C18orf63: variants seen among roughly 807,000 people sequenced by gnomAD.
C18orf63 encodes uncharacterized protein C18orf63.
Under a neutral mutation model 75.3 loss-of-function variants are expected in C18orf63, and 50 were observed. The ratio of observed to expected loss-of-function variants is 0.66; its 90% CI spans 0.53 to 0.84. The LOEUF (loss-of-function observed/expected upper bound fraction) is 0.84, where lower values mean the gene tolerates loss of function less well. Among genes scored for constraint, C18orf63 ranks in the 40% least tolerant of loss-of-function variants. The pLI is 0.00. For synonymous variants in C18orf63, 232 were observed against 267.6 expected, an observed-to-expected ratio of 0.87 and a Z score of 1.30; for missense variants, 732 against 800.2, an observed-to-expected ratio of 0.91 and a Z score of 1.03.
intron 8 of C18orf63, among the ~76,000 whole-genome samples, chr18:74,341,348 G>T (rs1984482551): frequency 7.3e-6 from 1 of 136,998 alleles, no homozygotes; most frequent in Non-Finnish European, 1.6e-5. Context: ...GCTATTGAAA[G>T]TAATGGCAAA....
intron 11 of C18orf63, among the ~76,000 whole-genome samples, chr18:74,350,985 C>T (rs1376383023): frequency 6.6e-6 from 1 of 152,176 alleles, no homozygotes; most frequent in Non-Finnish European, 1.5e-5. Context: ...TTGCCTTGAT[C>T]TTGGACTTCC....
At chr18:74,345,483 C>T (rs547788936) in intron 11 of C18orf63, among the ~76,000 whole-genome samples, 3 of 152,148 alleles carry the variant, frequency 2.0e-5, no homozygotes, top group African/African-American at 7.2e-5. Flanking sequence ...GTATTCGCCT[C>T]TAATATCATC....
chr18:74,318,490 T>C (rs1984064255), intron 2 of C18orf63, among the ~76,000 whole-genome samples: 2 of 152,078 alleles, frequency 1.3e-5, no homozygotes, highest in African/African-American at 4.8e-5. Flanking sequence ...CACATAGTCG[T>C]TGAAAAACAG....
At chr18:74,338,564 A>G in intron 7 of C18orf63, 151 bp from the exon 8 acceptor site, 1 of 393,834 alleles carries the variant, frequency 2.5e-6, no homozygotes, top group South Asian at 1.2e-4. Flanking sequence ...TTGACTACTT[A>G]TGTAAAGTGG....
intron 7 of C18orf63, among the ~76,000 whole-genome samples, chr18:74,333,806 G>A (rs1002468048): frequency 1.2e-4 from 18 of 152,144 alleles, no homozygotes; most frequent in Admixed American, 6.5e-5. Flanking sequence ...TGTTAGTAGA[G>A]CTTTCTGGGC....
rs971319260 is a variant in C18orf63 at position 74,356,601 on chromosome 18, A to G, written c.*154A>G. 3.3e-5 allele frequency: 5 copies of G among 152,372 alleles called. No individual in the cohort carries two copies. Among genetic ancestry groups the G allele is most frequent in the African/African-American group, 7.2e-5 (3 of 41,380 alleles). 9.4% of individuals were successfully genotyped at this position (152,372 alleles called of 1,614,324 possible). A position where few individuals can be genotyped will look rare whatever the true frequency, so the allele number is the denominator to read the frequency against. On this transcript the variant is annotated 3_prime_UTR_variant, in exon 14 of 14. Coordinates refer to ENST00000579455, the MANE Select transcript of C18orf63 (RefSeq NM_001174123.2). ...CTTTTTCACTTGACAGTTTCTTTTT[A>G]TTGTTTGCATAGCATCTTGTTGTAT...
chr18:74,329,924 T>TTTA (rs1480568578), intron 6 of C18orf63, among the ~76,000 whole-genome samples: 13 of 152,176 alleles, frequency 8.5e-5, no homozygotes, highest in Admixed American at 5.2e-4. Flanking sequence ...TCACATCATT[T>TTTA]GGGCATAGCC....
At chr18:74,321,717 A>G (rs1005165785) in intron 3 of C18orf63, among the ~76,000 whole-genome samples, 1 of 152,170 alleles carries the variant, frequency 6.6e-6, no homozygotes, top group Non-Finnish European at 1.5e-5. Context: ...GAACAAGGAC[A>G]TTATTTTAGA....
Position 74,353,595 on chromosome 18 carries a change from T to C in C18orf63, c.1328T>C (p.Leu443Ser). ...TTTGTACCAGTTTTCAAAAATAGAT[T>C]GTTACAAATGAACAAAAATACCTCA... ...PKFVPVFKNR[L>S]LQMNKNTSVL... The change falls in exon 12 of 14, where the codon TTG (leucine) becomes TCG (serine). Residue 443 changes from leucine to serine, a missense_variant. Around this residue, in one of 3 missense-constraint regions of C18orf63, gnomAD observed 495 missense variants for 508.7 expected, o/e 0.97. Coordinates refer to ENST00000579455, the MANE Select transcript of C18orf63 (RefSeq NM_001174123.2). The C allele has an allele frequency of 6.5e-7, 1 of 1,536,344 alleles. No individual in the cohort carries two copies. The highest frequency in any genetic ancestry group is 8.7e-7 in the Non-Finnish European group (1 of 1,146,942).
rs1260975763 is a variant in C18orf63, at chr18:74,353,712, A to G, written c.1445A>G (p.Asn482Ser). ...AGTATGATCCAGCATGACAAACTGA[A>G]TTTAGGTCCAGCTATAAAAAACCGT... is the stretch of plus-strand genomic sequence containing the variant. ...KTSMIQHDKL[N>S]LGPAIKNRYS... The change falls in exon 12 of 14, where the codon AAT (asparagine) becomes AGT (serine). Residue 482 changes from asparagine to serine, a missense_variant. Coordinates refer to ENST00000579455, the MANE Select transcript of C18orf63 (RefSeq NM_001174123.2). 1 of 1,536,074 alleles carries G rather than the reference A, an allele frequency of 6.5e-7. No individual in the cohort carries two copies. Among genetic ancestry groups the G allele is most frequent in the East Asian group, 2.4e-5 (1 of 40,910 alleles).
rs1353353227 is a variant in C18orf63 at position 74,353,823 on chromosome 18, CTGAAAA to C, written c.1558_1563del (p.Glu520_Asn521del). On this transcript the variant is annotated inframe_deletion, in exon 12 of 14. Coordinates refer to ENST00000579455, the MANE Select transcript of C18orf63 (RefSeq NM_001174123.2). ...CTGCAAGAAAAAAATACAGAGTCTTCTGAAAATATGACAAAATTTCCCTCTTCTCGT... is the reference window on the plus strand; with the variant it reads ...CTGCAAGAAAAAAATACAGAGTCTTCTATGACAAAATTTCCCTCTTCTCGT... 3 of 1,535,814 alleles carry C rather than the reference CTGAAAA, an allele frequency of 2.0e-6. No individual in the cohort carries two copies. Among genetic ancestry groups the C allele is most frequent in the Admixed American group, 2.0e-5 (1 of 50,952 alleles).
chr18:74,319,302 G>T (rs892957976), intron 2 of C18orf63, among the ~76,000 whole-genome samples: 10 of 152,154 alleles, frequency 6.6e-5, no homozygotes, highest in African/African-American at 2.4e-4. Flanking sequence ...GTAGCATTTG[G>T]CTGTGTCAGG....
chr18:74,330,881 TA>T lies in C18orf63; in HGVS notation c.442del (p.Thr148GlnfsTer7). On this transcript the variant is annotated frameshift_variant, in exon 7 of 14. Coordinates refer to ENST00000579455, the MANE Select transcript of C18orf63 (RefSeq NM_001174123.2). LOFTEE classifies it high-confidence loss of function. Reference protein sequence around the residue: ...KQSAVVLNINVTETQVCLSIE... With the variant: ...KQSAVVLNINXTETQVCLSIE... ...TTATTTTCAGTATTAAACATCAATGTAACAGAAACTCAAGTTTGTCTAAGTA... is the reference window on the plus strand; with the variant it reads ...TTATTTTCAGTATTAAACATCAATGTACAGAAACTCAAGTTTGTCTAAGTA... 1 of 1,422,786 alleles carries T rather than the reference TA, an allele frequency of 7.0e-7. No homozygotes were observed. The highest frequency in any genetic ancestry group is 9.4e-7 in the Non-Finnish European group (1 of 1,059,374). The allele number at this position is 1,422,786 out of a possible 1,614,324, so 88.1% of individuals were successfully genotyped here.
At chr18:74,326,718 G>C (rs7242441) in intron 4 of C18orf63, among the ~76,000 whole-genome samples, 110,478 of 152,078 alleles carry the variant, frequency 0.73, 40,212 homozygotes, top group Non-Finnish European at 0.75. Flanking sequence ...GCCTGATGTC[G>C]GATATGTTGT....
chr18:74,353,444 C>G lies in C18orf63; in HGVS notation c.1177C>G (p.Gln393Glu). ...TTTGCATCTCCAGCCAGAGTCTGTTCAGGGTAGAAAGAAATCCCTGTCTAT... is the reference window on the plus strand; with the variant it reads ...TTTGCATCTCCAGCCAGAGTCTGTTGAGGGTAGAAAGAAATCCCTGTCTAT... ...SALHLQPESV[Q>E]GRKKSLSIRA... is the part of the protein sequence containing the mutation. The change falls in exon 12 of 14, where the codon CAG (glutamine) becomes GAG (glutamate). Residue 393 changes from glutamine to glutamate, a missense_variant. Around this residue, in one of 3 missense-constraint regions of C18orf63, gnomAD observed 495 missense variants for 508.7 expected, o/e 0.97. Coordinates refer to ENST00000579455, the MANE Select transcript of C18orf63 (RefSeq NM_001174123.2). 1 of 1,536,318 alleles carries G rather than the reference C, an allele frequency of 6.5e-7. No individual in the cohort carries two copies. Among genetic ancestry groups the G allele is most frequent in the Non-Finnish European group, 8.7e-7 (1 of 1,146,936 alleles).
chr18:74,358,287 A>ATTT lies in C18orf63; in HGVS notation c.*1840_*1841insTTT. 1 of 152,164 alleles carries ATTT rather than the reference A, an allele frequency of 6.6e-6. No homozygotes were observed. The highest frequency in any genetic ancestry group is 2.1e-4 in the South Asian group (1 of 4,830). 9.4% of individuals were successfully genotyped at this position (152,164 alleles called of 1,614,324 possible). Reference sequence around the variant, plus strand: ...CTACATGGCAAAACCTGCCATGTTTAGTGTATTTTTTTGTATAAAGTAGGT... The same window carrying ATTT: ...CTACATGGCAAAACCTGCCATGTTTATTTGTGTATTTTTTTGTATAAAGTAGGT... On this transcript the variant is annotated 3_prime_UTR_variant, in exon 14 of 14. Transcript: ENST00000579455.
At chr18:74,336,094 T>C (rs1219966198) in intron 7 of C18orf63, among the ~76,000 whole-genome samples, 1 of 152,232 alleles carries the variant, frequency 6.6e-6, no homozygotes, top group East Asian at 1.9e-4. Flanking sequence ...GCTATTGTTA[T>C]TATTTTATAA....
chr18:74,356,847 C>A lies in C18orf63; in HGVS notation c.*400C>A, dbSNP rs1984774602. The A allele has an allele frequency of 6.6e-6, 1 of 152,146 alleles. No individual in the cohort carries two copies. The highest frequency in any genetic ancestry group is 2.4e-5 in the African/African-American group (1 of 41,432). The allele number at this position is 152,146 out of a possible 1,614,324, so 9.4% of individuals were successfully genotyped here. Reference sequence around the variant, plus strand: ...ATGAAGAACCTCTAAGTACCTATCACCCAGATCTACCAGTTATTAATATTT... The same window carrying A: ...ATGAAGAACCTCTAAGTACCTATCAACCAGATCTACCAGTTATTAATATTT... On this transcript the variant is annotated 3_prime_UTR_variant, in exon 14 of 14. Transcript: ENST00000579455.
chr18:74,339,075 T>C (rs532812911), intron 8 of C18orf63, among the ~76,000 whole-genome samples: 3 of 152,160 alleles, frequency 2.0e-5, no homozygotes, highest in South Asian at 2.1e-4. Context: ...AGGTAATATT[T>C]CTAAATTTCT....
Sources: allele counts gnomAD v4.1 joint callset (sites outside exome capture counted in the v4.1 genomes callset), GRCh38; gene constraint gnomAD v4.1.1; regional missense constraint gnomAD v4.1.1; transcripts MANE v1.5; gene names NCBI Gene and HGNC (gene_info 2026-07-23, HGNC 2026-07-21).